Variants in TTC39C observed in about 807,000 individuals in gnomAD.
The protein encoded by TTC39C is tetratricopeptide repeat domain 39C.
Under a neutral mutation model 76.3 loss-of-function variants are expected in TTC39C, and 33 were observed. The ratio of observed to expected loss-of-function variants is 0.43; its 90% CI spans 0.33 to 0.58. TTC39C has a LOEUF of 0.58. Ranked by LOEUF, TTC39C falls within the 20% of genes least tolerant of loss-of-function variation. The pLI, the probability that TTC39C is intolerant of heterozygous loss-of-function variation, is 0.04. For synonymous variants in TTC39C, 254 were observed against 260.6 expected, an observed-to-expected ratio of 0.97 and a Z score of 0.24; for missense variants, 595 against 701.4, an observed-to-expected ratio of 0.85 and a Z score of 1.71.
intron 6 of TTC39C, 73 bp from the exon 7 acceptor site, chr18:24,114,481 G>A (rs1259881790): frequency 7.9e-6 from 9 of 1,134,956 alleles, no homozygotes; most frequent in Admixed American, 1.8e-5. Flanking sequence ...GGAAAAAGAT[G>A]CTTTTGAATT....
At chr18:24,113,827 A>G (rs2084851689) in intron 6 of TTC39C, 1 of 635,020 alleles carries the variant, frequency 1.6e-6, no homozygotes, top group Non-Finnish European at 2.9e-6. Flanking sequence ...CACTGGGAGT[A>G]AGTAGAGCGG....
At chr18:24,067,408 C>T (rs576893689) in intron 3 of TTC39C, among the ~76,000 whole-genome samples, 3 of 152,266 alleles carry the variant, frequency 2.0e-5, no homozygotes, top group African/African-American at 7.2e-5. Context: ...TAGGGGTCCC[C>T]AGCCTCTGGG....
upstream of TTC39C, among the ~76,000 whole-genome samples, chr18:24,010,713 A>G (rs1013761964): frequency 1.3e-5 from 2 of 152,210 alleles, no homozygotes; most frequent in Non-Finnish European, 2.9e-5. Context: ...TACACACAGT[A>G]AGGTTTTCTT....
intron 3 of TTC39C, among the ~76,000 whole-genome samples, chr18:24,066,925 A>G (rs1039867440): frequency 6.6e-6 from 1 of 152,204 alleles, no homozygotes; most frequent in Non-Finnish European, 1.5e-5. Context: ...ATTACAAACG[A>G]GGAAACAGAA....
At chr18:24,098,523 G>A (rs1301855335) in intron 6 of TTC39C, among the ~76,000 whole-genome samples, 11 of 21,696 alleles carry the variant, frequency 5.1e-4, no homozygotes, top group Non-Finnish European at 6.8e-4. Context: ...CTCCCCTCCC[G>A]TCCCCTCCCC....
At position 24,132,603 on chromosome 18, in the gene TTC39C, CCCA is replaced by C; in HGVS notation, c.*32_*34del. 6.3e-7 allele frequency: 1 copy of C among 1,589,738 alleles called. No individual in the cohort carries two copies. The highest frequency in any genetic ancestry group is 8.6e-7 in the Non-Finnish European group (1 of 1,161,506). On this transcript the variant is annotated 3_prime_UTR_variant, in exon 14 of 14. Coordinates refer to ENST00000317571, the MANE Select transcript of TTC39C (RefSeq NM_001135993.2). ...ACCCGGAACACCCGCTCCGTCCCTC[CCCA>C]CCCAGGGTCCGCACTTTAAAATAAA...
chr18:24,028,528 C>T (rs1210409792), intron 1 of TTC39C, among the ~76,000 whole-genome samples: 1 of 152,188 alleles, frequency 6.6e-6, no homozygotes, highest in Non-Finnish European at 1.5e-5. Flanking sequence ...ATGAAATTTT[C>T]TTGACCTATG....
chr18:24,132,047 G>T, intron 13 of TTC39C, 127 bp downstream of exon 13: 2 of 841,282 alleles, frequency 2.4e-6, no homozygotes, highest in Non-Finnish European at 1.8e-6. Context: ...AAGGAAAAAT[G>T]ACAACCAATT....
chr18:24,043,370 A>G (rs1010717296), intron 1 of TTC39C, among the ~76,000 whole-genome samples: 2 of 152,162 alleles, frequency 1.3e-5, no homozygotes, highest in Admixed American at 1.3e-4. Flanking sequence ...TCTAAAAACA[A>G]AAAAGCTAAT....
At chr18:24,058,603 C>T (rs1173221943) in intron 1 of TTC39C, among the ~76,000 whole-genome samples, 2 of 151,792 alleles carry the variant, frequency 1.3e-5, no homozygotes, top group African/African-American at 4.8e-5. Flanking sequence ...TGCAGTGAGC[C>T]GACCACTGCA....
At chr18:24,060,646 T>G (rs973086469) in intron 1 of TTC39C, among the ~76,000 whole-genome samples, 3 of 152,186 alleles carry the variant, frequency 2.0e-5, no homozygotes, top group African/African-American at 7.2e-5. Context: ...GAGTTTGCTT[T>G]TATTCTTCCA....
chr18:24,119,945 G>A (rs2084943474), intron 8 of TTC39C, among the ~76,000 whole-genome samples: 1 of 143,874 alleles, frequency 7.0e-6, no homozygotes, highest in African/African-American at 2.8e-5. Context: ...CAGCGTGGCT[G>A]TATAGAGGAA....
intron 4 of TTC39C, among the ~76,000 whole-genome samples, chr18:24,073,529 G>T (rs1244286243): frequency 8.1e-6 from 1 of 122,950 alleles, no homozygotes. Flanking sequence ...ATCAATCCTG[G>T]TTCTTTTTTT....
At chr18:24,126,217 A>G (rs2085049730) in intron 10 of TTC39C, among the ~76,000 whole-genome samples, 1 of 152,108 alleles carries the variant, frequency 6.6e-6, no homozygotes, top group African/African-American at 2.4e-5. Flanking sequence ...AAAAAGAAAT[A>G]TGTTCTTCTT....
chr18:24,082,110 C>T (rs550237598), intron 5 of TTC39C, among the ~76,000 whole-genome samples: 10 of 150,944 alleles, frequency 6.6e-5, no homozygotes, highest in East Asian at 1.9e-4. Context: ...CTCTGCCTCC[C>T]GGGTCCCGGT....
At chr18:24,034,385 A>C (rs1160385016) in intron 1 of TTC39C, among the ~76,000 whole-genome samples, 2 of 152,262 alleles carry the variant, frequency 1.3e-5, no homozygotes, top group African/African-American at 4.8e-5. Flanking sequence ...TTTAAATAAG[A>C]GTTTGTAAAA....
intron 3 of TTC39C, among the ~76,000 whole-genome samples, chr18:24,068,570 T>TA (rs2084197383): frequency 6.6e-6 from 1 of 152,262 alleles, no homozygotes; most frequent in Admixed American, 6.5e-5. Context: ...CAACATTTTA[T>TA]AAAAAGTGAT....
intron 6 of TTC39C, among the ~76,000 whole-genome samples, chr18:24,084,397 A>C (rs1204466073): frequency 6.6e-6 from 1 of 152,114 alleles, no homozygotes; most frequent in African/African-American, 2.4e-5. Context: ...AGACACGAGA[A>C]TCGCTTGAAC....
intron 1 of TTC39C, among the ~76,000 whole-genome samples, chr18:24,059,479 T>C (rs1307261917): frequency 6.6e-6 from 1 of 152,202 alleles, no homozygotes; most frequent in Non-Finnish European, 1.5e-5. Flanking sequence ...GGTTTTCTGT[T>C]CCTGCATGAG....
Sources: gnomAD v4.1 joint callset for allele counts (sites outside exome capture counted in the v4.1 genomes callset) on GRCh38, gnomAD v4.1.1 for gene constraint, MANE v1.5 for transcripts, NCBI Gene and HGNC (gene_info 2026-07-23, HGNC 2026-07-21) for gene names.